TMEM40: variants seen among roughly 807,000 people sequenced by gnomAD.
TMEM40 encodes the protein transmembrane protein 40.
TMEM40 carries 34 observed loss-of-function variants against 40.8 expected under a neutral mutation model. The ratio of observed to expected loss-of-function variants is 0.83; its 90% CI spans 0.63 to 1.11. TMEM40 has a LOEUF of 1.11. TMEM40 is among the 50% of genes least tolerant of loss of function. The probability of loss-of-function intolerance (pLI) is 0.00; values close to 1 mark genes in which losing one functional copy is unlikely to be tolerated. For synonymous variants in TMEM40, 106 were observed against 107.0 expected, an observed-to-expected ratio of 0.99 and a Z score of 0.06; for missense variants, 296 against 280.2, an observed-to-expected ratio of 1.06 and a Z score of -0.40.
rs756838370 is a variant in TMEM40, at chr3:12,749,833, G to C, written c.-1C>G. The C allele has an allele frequency of 6.2e-7, 1 of 1,613,658 alleles. No homozygotes were observed. The highest frequency in any genetic ancestry group is 1.7e-5 in the Admixed American group (1 of 59,916). Reference sequence around the variant, plus strand: ...GGGAGGAGGATGCTGAAGTCTCCATGGCTTTTCCTGGAGGAATAACAATAA... The same window carrying C: ...GGGAGGAGGATGCTGAAGTCTCCATCGCTTTTCCTGGAGGAATAACAATAA... On this transcript the variant is annotated 5_prime_UTR_variant, in exon 2 of 12. Transcript: ENST00000314124.
Position 12,734,770 on chromosome 3 carries a change from G to C in TMEM40, c.*4C>G. ...CTGCCTCTGCTGCCCACCTGGAAGT[G>C]GCCTCAGTCAGTCTTCCTGAACCCT... On this transcript the variant is annotated 3_prime_UTR_variant, in exon 12 of 12. Transcript: ENST00000314124. The C allele has an allele frequency of 6.3e-7, 1 of 1,597,318 alleles. No homozygotes were observed. The highest frequency in any genetic ancestry group is 1.1e-5 in the South Asian group (1 of 87,998).
chr3:12,768,128 A>G (rs2061602839), intron 1 of TMEM40, among the ~76,000 whole-genome samples: 1 of 152,150 alleles, frequency 6.6e-6, no homozygotes. Flanking sequence ...TGGCTCAGGA[A>G]TGAAGCTGCA....
chr3:12,735,685 G>T, intron 10 of TMEM40, 68 bp from the exon 11 acceptor site: 1 of 1,372,274 alleles, frequency 7.3e-7, no homozygotes, highest in Non-Finnish European at 1.0e-6. Flanking sequence ...GCCACCACTG[G>T]ACAAGGGCCT....
upstream of TMEM40, among the ~76,000 whole-genome samples, chr3:12,762,445 C>T (rs941936756): frequency 5.9e-5 from 9 of 152,066 alleles, no homozygotes; most frequent in African/African-American, 1.7e-4. Flanking sequence ...AGGGGGACCC[C>T]GGGTCTAATT....
chr3:12,738,094 C>T (rs781277551), intron 7 of TMEM40, 42 bp downstream of exon 7: 1 of 1,611,814 alleles, frequency 6.2e-7, no homozygotes, highest in Non-Finnish European at 8.5e-7. Context: ...CGTCTGGAAT[C>T]CACACCCGCT....
rs751333865 is a variant in TMEM40, at chr3:12,738,144, G to T, written c.416C>A (p.Pro139Gln). Residue 139 changes from proline to glutamine, a missense_variant, in exon 7 of 12, where the codon CCA becomes CAA. Coordinates refer to ENST00000314124, the MANE Select transcript of TMEM40 (RefSeq NM_018306.4). The stretch of plus-strand genomic sequence containing the variant: ...TGAGCTTGTGTATTTACCACTTGCT[G>T]GGTCAGAGCCTCTCCTTCGGAGTCC... The part of the protein sequence containing the change: ...ESGLRRRGSD[P>Q]ASGEVEASQL... 8 of 1,613,856 alleles carry T rather than the reference G, an allele frequency of 5.0e-6. No individual in the cohort carries two copies. Among genetic ancestry groups the T allele is most frequent in the Non-Finnish European group, 6.8e-6 (8 of 1,179,974 alleles).
At chr3:12,769,005 C>G (rs1175387789) in intron 1 of TMEM40, among the ~76,000 whole-genome samples, 1 of 151,586 alleles carries the variant, frequency 6.6e-6, no homozygotes, top group African/African-American at 2.4e-5. Flanking sequence ...GGTCCTGATC[C>G]CTGCCTCTCA....
At chr3:12,762,075 A>G (rs1385539947), upstream of TMEM40, among the ~76,000 whole-genome samples, 4 of 152,102 alleles carry the variant, frequency 2.6e-5, no homozygotes, top group South Asian at 8.3e-4. Context: ...TGATCCTCCT[A>G]CCTCAGCCTC....
chr3:12,756,830 T>A (rs1172204541), intron 1 of TMEM40, among the ~76,000 whole-genome samples: 1 of 151,592 alleles, frequency 6.6e-6, no homozygotes, highest in Non-Finnish European at 1.5e-5. Flanking sequence ...ACACTCTGTC[T>A]CTCACAACAC....
intron 1 of TMEM40, among the ~76,000 whole-genome samples, chr3:12,765,712 G>A (rs2061591108): frequency 1.3e-5 from 2 of 151,932 alleles, no homozygotes; most frequent in Non-Finnish European, 2.9e-5. Flanking sequence ...TGGGACTACA[G>A]GCGCCTGCCA....
chr3:12,737,868 G>C (rs1332727457), intron 7 of TMEM40, 114 bp from the exon 8 acceptor site: 2 of 1,139,526 alleles, frequency 1.8e-6, no homozygotes, highest in Non-Finnish European at 2.6e-6. Flanking sequence ...CTGGGTCAGA[G>C]GGCACTCACT....
At chr3:12,766,267 A>G (rs759087149) in intron 1 of TMEM40, among the ~76,000 whole-genome samples, 1 of 151,634 alleles carries the variant, frequency 6.6e-6, no homozygotes, top group Non-Finnish European at 1.5e-5. Context: ...GATTGTTTCC[A>G]GTTTGGGTCT....
At chr3:12,737,407 A>C in intron 8 of TMEM40, 1 of 447,154 alleles carries the variant, frequency 2.2e-6, no homozygotes, top group Non-Finnish European at 3.9e-6. Flanking sequence ...CCTGGAAGGT[A>C]TTTACCATCC....
At position 12,750,929 on chromosome 3, in the gene TMEM40, C is replaced by T. The variant is rs192156306; in HGVS notation, c.-8-1089G>A. On this transcript the variant is annotated intron_variant, in intron 1 of 11. Transcript: ENST00000314124. Reference sequence around the variant, plus strand: ...CCCCTGTTGTGGGGCAAACATCACCCCCCATTTGAGAATGGTCTAGAGAAT... The same window carrying T: ...CCCCTGTTGTGGGGCAAACATCACCTCCCATTTGAGAATGGTCTAGAGAAT... Among the ~76,000 whole-genome samples the T allele has an allele frequency of 2.2e-3, 328 of 152,232 alleles. 1 individual carries two copies. Among genetic ancestry groups the T allele is most frequent in the African/African-American group, 7.4e-3 (307 of 41,528 alleles).
chr3:12,761,298 A>C (rs969320845), upstream of TMEM40, among the ~76,000 whole-genome samples: 1 of 152,156 alleles, frequency 6.6e-6, no homozygotes, highest in Non-Finnish European at 1.5e-5. Context: ...GACATGACCA[A>C]ACCTGTGTTT....
Position 12,738,154 on chromosome 3 carries a change from C to G in TMEM40, c.406G>C (p.Gly136Arg). Residue 136 changes from glycine to arginine, a missense_variant, in exon 7 of 12, where the codon GGC becomes CGC. Transcript: ENST00000314124. ...PSGESGLRRR[G>R]SDPASGEVEA... ...TATTTACCACTTGCTGGGTCAGAGC[C>G]TCTCCTTCGGAGTCCTGGAAACAAG... 1 of 1,614,004 alleles carries G rather than the reference C, an allele frequency of 6.2e-7. No homozygotes were observed. The highest frequency in any genetic ancestry group is 8.5e-7 in the Non-Finnish European group (1 of 1,179,980).
At chr3:12,754,173 A>G (rs576461342) in intron 1 of TMEM40, among the ~76,000 whole-genome samples, 320 of 152,228 alleles carry the variant, frequency 2.1e-3, no homozygotes, top group Admixed American at 3.3e-3. Context: ...TTAGCCGGGC[A>G]TGGTGGCGGG....
At chr3:12,740,866 C>A (rs2061376592) in intron 5 of TMEM40, among the ~76,000 whole-genome samples, 1 of 151,866 alleles carries the variant, frequency 6.6e-6, no homozygotes, top group Non-Finnish European at 1.5e-5. Flanking sequence ...CCAAAAAAAA[C>A]AAAAAATGAA....
At chr3:12,763,530 A>G (rs1158403636), upstream of TMEM40, among the ~76,000 whole-genome samples, 2 of 152,068 alleles carry the variant, frequency 1.3e-5, no homozygotes, top group African/African-American at 4.8e-5. Context: ...AGCCCGGGGG[A>G]GCCAGCTCAG....
Sources: gnomAD v4.1 joint callset for allele counts (sites outside exome capture counted in the v4.1 genomes callset) on GRCh38, gnomAD v4.1.1 for gene constraint, MANE v1.5 for transcripts, NCBI Gene and HGNC (gene_info 2026-07-23, HGNC 2026-07-21) for gene names.